The following GREM2 variants were observed in gnomAD, a reference collection of about 807,000 sequenced individuals.
The protein encoded by GREM2 is gremlin-2.
Under a neutral mutation model 14.2 loss-of-function variants are expected in GREM2, and 11 were observed. The observed-to-expected ratio is 0.78, with a 90% CI of 0.49 to 1.28. The LOEUF is 1.28. Among genes scored for constraint, GREM2 ranks in the 50% most tolerant of loss-of-function variants. The pLI is 0.00. For synonymous variants in GREM2, 98 were observed against 97.6 expected (o/e 1.00, Z -0.02); for missense variants, 210 against 218.5 (o/e 0.96, Z 0.24).
chr1:240,577,464 TGTTCA>T (rs997297429), intron 1 of GREM2, among the ~76,000 whole-genome samples: 19 of 152,346 alleles, frequency 1.2e-4, no homozygotes, highest in South Asian at 4.1e-4. Context: ...GGCTTTTCTT[TGTTCA>T]GTTTGGGTTC....
chr1:240,508,833 C>T (rs1423602333), intron 1 of GREM2, among the ~76,000 whole-genome samples: 2 of 152,182 alleles, frequency 1.3e-5, no homozygotes, highest in African/African-American at 4.8e-5. Context: ...AATTCCCTGA[C>T]TCAAGATCTG....
chr1:240,603,156 G>A (rs905441520), intron 1 of GREM2, among the ~76,000 whole-genome samples: 9 of 152,176 alleles, frequency 5.9e-5, no homozygotes, highest in African/African-American at 2.2e-4. Context: ...GGGAACTCAT[G>A]CAGATAGGCT....
chr1:240,573,171 A>G (rs977241268), intron 1 of GREM2, among the ~76,000 whole-genome samples: 3 of 152,296 alleles, frequency 2.0e-5, no homozygotes, highest in Admixed American at 1.3e-4. Context: ...TGAATAAAAC[A>G]TCAAAACTGG....
chr1:240,547,800 C>T (rs1283144638), intron 1 of GREM2, among the ~76,000 whole-genome samples: 1 of 151,814 alleles, frequency 6.6e-6, no homozygotes, highest in Non-Finnish European at 1.5e-5. Flanking sequence ...TAAATCTCTC[C>T]ACTTAATATA....
intron 1 of GREM2, among the ~76,000 whole-genome samples, chr1:240,559,945 T>G (rs1377394029): frequency 6.6e-6 from 1 of 152,054 alleles, no homozygotes; most frequent in African/African-American, 2.4e-5. Context: ...AGTCACGGTG[T>G]TTCCGTGTGC....
At chr1:240,584,467 C>T (rs1315261987) in intron 1 of GREM2, among the ~76,000 whole-genome samples, 1 of 145,686 alleles carries the variant, frequency 6.9e-6, no homozygotes, top group Non-Finnish European at 1.5e-5. Context: ...TGGACTCCAG[C>T]CTGGGTGACA....
chr1:240,569,398 G>C (rs963704663), intron 1 of GREM2, among the ~76,000 whole-genome samples: 3 of 152,074 alleles, frequency 2.0e-5, no homozygotes, highest in Non-Finnish European at 2.9e-5. Context: ...AAACTATTTT[G>C]AAAAAGAATA....
At chr1:240,555,699 A>C (rs1678943735) in intron 1 of GREM2, among the ~76,000 whole-genome samples, 1 of 152,252 alleles carries the variant, frequency 6.6e-6, no homozygotes. Context: ...TTTATCAGAG[A>C]TCAAGAGATA....
rs542237303 is a variant in GREM2, at chr1:240,544,416, G to T, written c.-1-50940C>A. On this transcript the variant is annotated intron_variant, in intron 1 of 1. Coordinates refer to ENST00000318160, the MANE Select transcript of GREM2 (RefSeq NM_022469.4). ...CCCGCCTTGGCCTCCCAAAGTGCTG[G>T]GATTACAGGCGTGAGCCACCGCGCC... Among the ~76,000 whole-genome samples, 4 of 152,168 alleles carry T rather than the reference G, an allele frequency of 2.6e-5. No individual in the cohort carries two copies. The East Asian group carries it at 7.7e-4, about 29-fold the overall frequency.
At chr1:240,511,526 G>A (rs1017220267) in intron 1 of GREM2, among the ~76,000 whole-genome samples, 6 of 152,270 alleles carry the variant, frequency 3.9e-5, no homozygotes, top group South Asian at 2.1e-4. Context: ...CGAGGCGGGC[G>A]GATAACCTGA....
chr1:240,551,738 ATCT>A (rs1346347090), intron 1 of GREM2, among the ~76,000 whole-genome samples: 3 of 152,098 alleles, frequency 2.0e-5, no homozygotes, highest in Admixed American at 6.5e-5. Context: ...CAGAAATAAG[ATCT>A]TCTGTTTATT....
intron 1 of GREM2, among the ~76,000 whole-genome samples, chr1:240,526,076 G>T (rs1479277442): frequency 2.6e-5 from 4 of 152,170 alleles, no homozygotes. Context: ...TATTGAGCCT[G>T]CCTGGATTAC....
In GREM2 at chr1:240,492,959, G is replaced by T; in HGVS notation, c.*10C>A. 1 of 1,504,610 alleles carries T rather than the reference G, an allele frequency of 6.6e-7. No individual in the cohort carries two copies. The highest frequency in any genetic ancestry group is 8.9e-7 in the Non-Finnish European group (1 of 1,123,454). 93.2% of individuals were successfully genotyped at this position (1,504,610 alleles called of 1,614,324 possible). A position where few individuals can be genotyped will look rare whatever the true frequency, so the allele number is the denominator to read the frequency against. ...GCGCGCGCGGGGCTGAGCTGCGTCCGGCCCGGCGCTCACTGCTTGTCCGAG... is the reference window on the plus strand; with the variant it reads ...GCGCGCGCGGGGCTGAGCTGCGTCCTGCCCGGCGCTCACTGCTTGTCCGAG... On this transcript the variant is annotated 3_prime_UTR_variant, in exon 2 of 2. Coordinates refer to ENST00000318160, the MANE Select transcript of GREM2 (RefSeq NM_022469.4).
chr1:240,535,735 G>T (rs1018369040), intron 1 of GREM2, among the ~76,000 whole-genome samples: 3 of 147,948 alleles, frequency 2.0e-5, no homozygotes, highest in Admixed American at 6.9e-5. Context: ...GGAGGTGGAG[G>T]TTGCAGTGAG....
At chr1:240,587,353 G>T (rs1038019738) in intron 1 of GREM2, among the ~76,000 whole-genome samples, 5 of 150,514 alleles carry the variant, frequency 3.3e-5, no homozygotes, top group Admixed American at 6.6e-5. Context: ...ACAGAGTCTT[G>T]CTCTGTCACC....
intron 1 of GREM2, among the ~76,000 whole-genome samples, chr1:240,526,795 TA>T (rs1209811629): frequency 7.9e-5 from 12 of 152,208 alleles, no homozygotes; most frequent in African/African-American, 2.9e-4. Context: ...AGTCCTTCAA[TA>T]TTTACACGCA....
intron 1 of GREM2, among the ~76,000 whole-genome samples, chr1:240,582,445 CA>C (rs1679503860): frequency 6.7e-6 from 1 of 150,220 alleles, no homozygotes; most frequent in South Asian, 2.1e-4. Context: ...CACACACACA[CA>C]AAAAAAGAGT....
chr1:240,536,479 C>A (rs1572387969), intron 1 of GREM2, among the ~76,000 whole-genome samples: 1 of 152,188 alleles, frequency 6.6e-6, no homozygotes, highest in Non-Finnish European at 1.5e-5. Context: ...GCTATTCATA[C>A]CTGGGCAATT....
chr1:240,546,883 A>G (rs140183941), intron 1 of GREM2, among the ~76,000 whole-genome samples: 53 of 152,242 alleles, frequency 3.5e-4, no homozygotes, highest in African/African-American at 1.0e-3. Context: ...TAAAAAAAAA[A>G]GAATGTTTGC....
Sources: allele counts gnomAD v4.1 joint callset (sites outside exome capture counted in the v4.1 genomes callset), GRCh38; gene constraint gnomAD v4.1.1; transcripts MANE v1.5; gene names NCBI Gene and HGNC (gene_info 2026-07-23, HGNC 2026-07-21).